Variants in RHOT1 observed in about 807,000 individuals in gnomAD.
RHOT1 encodes mitochondrial Rho GTPase 1.
In RHOT1, 27 loss-of-function variants were observed where a neutral mutation model predicts 95.3. The ratio of observed to expected loss-of-function variants is 0.28; its 90% CI spans 0.21 to 0.39. RHOT1 has a LOEUF of 0.39. Ranked by LOEUF, RHOT1 falls within the 10% of genes least tolerant of loss-of-function variation. The pLI, the probability that RHOT1 is intolerant of heterozygous loss-of-function variation, is 1.00. For synonymous variants in RHOT1, 227 were observed against 263.5 expected (o/e 0.86, Z 1.34); for missense variants, 578 against 786.7 (o/e 0.73, Z 3.17).
chr17:32,207,979 T>A, intron 17 of RHOT1, 128 bp from the exon 18 acceptor site: 1 of 733,978 alleles, frequency 1.4e-6, no homozygotes. Context: ...TCTTTGCCTT[T>A]TGGTTCACTT....
chr17:32,207,067 C>T (rs751520354), intron 17 of RHOT1, 38 bp downstream of exon 17: 1 of 1,561,036 alleles, frequency 6.4e-7, no homozygotes, highest in East Asian at 2.3e-5. Context: ...AATGTAACTT[C>T]ATATGGACTT....
chr17:32,144,422 C>T (rs765057292), intron 1 of RHOT1, among the ~76,000 whole-genome samples: 6 of 152,164 alleles, frequency 3.9e-5, no homozygotes, highest in Non-Finnish European at 2.9e-5. Context: ...GTGGCACACA[C>T]CTGTAGTCCC....
At chr17:32,155,495 CTTT>C (rs767564866) in intron 1 of RHOT1, among the ~76,000 whole-genome samples, 4 of 135,556 alleles carry the variant, frequency 3.0e-5, no homozygotes, top group Non-Finnish European at 1.6e-5. Flanking sequence ...TTCTTTCTTT[CTTT>C]TTTTTTTTTT....
At chr17:32,165,138 C>A (rs1226155870) in intron 1 of RHOT1, among the ~76,000 whole-genome samples, 1 of 151,994 alleles carries the variant, frequency 6.6e-6, no homozygotes, top group East Asian at 1.9e-4. Flanking sequence ...CAGATCGAGA[C>A]CATCCTGGCT....
Position 32,150,809 on chromosome 17 carries a change from C to A in RHOT1, c.37+8080C>A, listed in dbSNP as rs972218188. On this transcript the variant is annotated intron_variant, in intron 1 of 19. Coordinates refer to ENST00000545287, the MANE Select transcript of RHOT1 (RefSeq NM_001033566.3). The stretch of plus-strand genomic sequence containing the variant: ...CTCTCAGTGAAGGTAGAGTTCCATG[C>A]CCAATTGGAAGGGTCTAAGAGCTGA... 7.8e-6 allele frequency: 12 copies of A among 1,544,980 alleles called. No homozygotes were observed. The African/African-American group carries it at 1.2e-4, about 16-fold the overall frequency.
intron 4 of RHOT1, among the ~76,000 whole-genome samples, 171 bp downstream of exon 4, chr17:32,175,533 C>T (rs969654482): frequency 9.2e-5 from 14 of 152,124 alleles, no homozygotes; most frequent in Admixed American, 7.2e-4. Context: ...TTTGCCTTAT[C>T]GCAACCTCCA....
chr17:32,149,275 A>G (rs951230921), intron 1 of RHOT1, among the ~76,000 whole-genome samples: 5 of 151,556 alleles, frequency 3.3e-5, no homozygotes, highest in South Asian at 2.1e-4. Context: ...ATAAAATACA[A>G]TGTTTTATAT....
chr17:32,166,208 AT>A (rs1288979470), intron 1 of RHOT1, among the ~76,000 whole-genome samples: 1 of 151,122 alleles, frequency 6.6e-6, no homozygotes, highest in East Asian at 1.9e-4. Flanking sequence ...AAAAAAAGTT[AT>A]GTTCATACTA....
intron 1 of RHOT1, among the ~76,000 whole-genome samples, chr17:32,152,827 A>G (rs73284193): frequency 0.011 from 1,715 of 151,136 alleles, 33 homozygotes; most frequent in African/African-American, 0.039. Flanking sequence ...TTTTTGAGAC[A>G]GGGCCTCACT....
At chr17:32,151,073 TCTC>T in intron 1 of RHOT1, 1 of 1,215,912 alleles carries the variant, frequency 8.2e-7, no homozygotes, top group East Asian at 2.3e-5. Context: ...ATTCCAGGCT[TCTC>T]CTGAGTGAAA....
rs2036628629 is a variant in RHOT1, at chr17:32,193,212, A to G, written c.716A>G (p.Asp239Gly). The G allele has an allele frequency of 3.1e-6, 5 of 1,613,422 alleles. No homozygotes were observed. The East Asian group carries it at 8.9e-5, about 29-fold the overall frequency. ...AATGTAGTCAGAAAACATATAAGTG[A>G]TGGTGTGGCTGACAGTGGGTTGACC... The part of the protein sequence containing the change: ...VKNVVRKHIS[D>G]GVADSGLTLK... The change falls in exon 10 of 20, where the codon GAT (aspartate) becomes GGT (glycine). Residue 239 changes from aspartate to glycine, a missense_variant. Physicochemically the swap from Asp to Gly is moderately conservative, Grantham distance 94. This residue lies in a region of RHOT1 where 227 missense variants were observed against 316.0 expected (regional missense o/e 0.72). Coordinates refer to ENST00000545287, the MANE Select transcript of RHOT1 (RefSeq NM_001033566.3).
intron 1 of RHOT1, among the ~76,000 whole-genome samples, chr17:32,152,804 T>TC (rs1567653286): frequency 6.7e-6 from 1 of 149,028 alleles, no homozygotes; most frequent in Non-Finnish European, 1.5e-5. Context: ...TTATTTATCT[T>TC]TTTTTTTTTT....
At chr17:32,146,952 C>T (rs1244183974) in intron 1 of RHOT1, among the ~76,000 whole-genome samples, 2 of 140,832 alleles carry the variant, frequency 1.4e-5, no homozygotes, top group South Asian at 2.2e-4. Flanking sequence ...CTGTGTTGGC[C>T]AGGCTGGTCT....
At chr17:32,194,371 T>C (rs1432836672) in intron 11 of RHOT1, among the ~76,000 whole-genome samples, 1 of 152,240 alleles carries the variant, frequency 6.6e-6, no homozygotes, top group Non-Finnish European at 1.5e-5. Context: ...TTTAGAATTA[T>C]AGCAGAGCTT....
At chr17:32,176,264 A>G (rs368812240) in intron 6 of RHOT1, 51 bp downstream of exon 6, 2 of 1,427,938 alleles carry the variant, frequency 1.4e-6, no homozygotes, top group African/African-American at 1.4e-5. Context: ...TAAAGCTTGC[A>G]GAAAAGGTAC....
At chr17:32,178,364 G>A (rs1198335174) in intron 6 of RHOT1, among the ~76,000 whole-genome samples, 1 of 152,092 alleles carries the variant, frequency 6.6e-6, no homozygotes, top group Non-Finnish European at 1.5e-5. Context: ...ACTGGTTTTT[G>A]TATTTTTGGT....
At chr17:32,202,955 T>G in intron 15 of RHOT1, 55 bp downstream of exon 15, 1 of 1,558,246 alleles carries the variant, frequency 6.4e-7, no homozygotes, top group Non-Finnish European at 8.8e-7. Flanking sequence ...AGTTACTAGT[T>G]TACATAATGT....
rs760877832 is a variant in RHOT1, at chr17:32,193,206, T to C, written c.710T>C (p.Ile237Thr). 18 of 1,613,656 alleles carry C rather than the reference T, an allele frequency of 1.1e-5. No individual in the cohort carries two copies. The highest frequency in any genetic ancestry group is 1.4e-5 in the Non-Finnish European group (16 of 1,179,676). ...EDVKNVVRKH[I>T]SDGVADSGLT... ...GTCAAGAATGTAGTCAGAAAACATA[T>C]AAGTGATGGTGTGGCTGACAGTGGG... The change falls in exon 10 of 20, where the codon ATA becomes ACA. Residue 237 changes from isoleucine (I) to threonine (T), a missense_variant. Ile to Thr is a moderately conservative substitution (Grantham distance 89). Coordinates refer to ENST00000545287, the MANE Select transcript of RHOT1 (RefSeq NM_001033566.3).
chr17:32,155,196 C>T (rs1443820324), intron 1 of RHOT1, among the ~76,000 whole-genome samples: 2 of 152,136 alleles, frequency 1.3e-5, no homozygotes, highest in East Asian at 3.9e-4. Flanking sequence ...CGCTCTGTCG[C>T]CCAGGCTGGA....
Sources: allele counts gnomAD v4.1 joint callset (sites outside exome capture counted in the v4.1 genomes callset), GRCh38; gene constraint gnomAD v4.1.1; regional missense constraint gnomAD v4.1.1; transcripts MANE v1.5; gene names NCBI Gene and HGNC (gene_info 2026-07-23, HGNC 2026-07-21).